PKP1: variants seen among roughly 807,000 people sequenced by gnomAD.
PKP1 encodes the protein plakophilin 1.
PKP1 carries 27 observed loss-of-function variants against 76.4 expected under a neutral mutation model. That is an observed-to-expected ratio of 0.35 (90% confidence interval 0.26 to 0.49). The LOEUF is 0.49. Among genes scored for constraint, PKP1 ranks in the 20% least tolerant of loss-of-function variants. The pLI is 0.99. For synonymous variants in PKP1, 404 were observed against 384.2 expected, an observed-to-expected ratio of 1.05 and a Z score of -0.60; for missense variants, 964 against 955.2, an observed-to-expected ratio of 1.01 and a Z score of -0.12.
chr1:201,306,352 A>C (rs1341665840), intron 2 of PKP1, among the ~76,000 whole-genome samples: 1 of 152,192 alleles, frequency 6.6e-6, no homozygotes, highest in East Asian at 1.9e-4. Context: ...TTGTCCCCAC[A>C]CCAGGCTTAG....
At position 201,287,453 on chromosome 1, in the gene PKP1, C is replaced by G. The variant is rs540572586; in HGVS notation, c.202+3549C>G. ...TCATTAGAGTTTCTAGAAAGTTGTC[C>G]TTTCCTGACCACAGGCATCACTTCT... is the stretch of plus-strand genomic sequence containing the variant. On this transcript the variant is annotated intron_variant, in intron 1 of 13. Coordinates refer to ENST00000367324, the MANE Select transcript of PKP1 (RefSeq NM_001005337.3). 2.5e-4 allele frequency among the ~76,000 whole-genome samples: 38 copies of G among 152,352 alleles called. 1 individual carries two copies. The South Asian group carries it at 7.9e-3, about 32-fold the overall frequency.
chr1:201,316,141 T>TGGATGGATGGATGGATGGACGGACGTAC (rs1553275149), intron 3 of PKP1: 12 of 68,722 alleles, frequency 1.7e-4, no homozygotes, highest in African/African-American at 4.2e-4. Context: ...GACGGACGGA[T>TGGATGGATGGATGGATGGACGGACGTAC]GGACGGACGG....
In PKP1 at chr1:201,317,630, A is replaced by T. The variant is rs1222099337; in HGVS notation, c.905A>T (p.Asn302Ile). The T allele has an allele frequency of 6.2e-7, 1 of 1,613,958 alleles. No individual in the cohort carries two copies. The highest frequency in any genetic ancestry group is 1.3e-5 in the African/African-American group (1 of 75,002). Residue 302 changes from asparagine to isoleucine, a missense_variant, in exon 5 of 14, where the codon AAC (asparagine) becomes ATC (isoleucine). Transcript: ENST00000367324. ...GACCTCCTCCGCAGCCCCAACCAGA[A>T]CGTCCAGCAGGCCGCGGCAGGGGCC... ...LVDLLRSPNQ[N>I]VQQAAAGALR...
At chr1:201,311,256 G>T (rs935405836) in intron 2 of PKP1, among the ~76,000 whole-genome samples, 2 of 152,222 alleles carry the variant, frequency 1.3e-5, no homozygotes, top group African/African-American at 4.8e-5. Context: ...CCTGTAATCT[G>T]CAGGACACGC....
chr1:201,310,624 G>A (rs897191059), intron 2 of PKP1, among the ~76,000 whole-genome samples: 4 of 152,210 alleles, frequency 2.6e-5, no homozygotes, highest in African/African-American at 9.6e-5. Flanking sequence ...TACTTGGGGA[G>A]GACGGGGTCT....
intron 1 of PKP1, among the ~76,000 whole-genome samples, chr1:201,288,785 C>T (rs1460574907): frequency 1.3e-5 from 2 of 152,172 alleles, no homozygotes; most frequent in Non-Finnish European, 2.9e-5. Context: ...CTCCCATGCT[C>T]TGCCCAGTCC....
chr1:201,310,706 G>T (rs1305298971), intron 2 of PKP1, among the ~76,000 whole-genome samples: 1 of 152,228 alleles, frequency 6.6e-6, no homozygotes, highest in Non-Finnish European at 1.5e-5. Context: ...GTCATACCCA[G>T]CTGTCCTCAG....
At chr1:201,300,417 G>T (rs1194620461) in intron 2 of PKP1, among the ~76,000 whole-genome samples, 1 of 152,260 alleles carries the variant, frequency 6.6e-6, no homozygotes, top group African/African-American at 2.4e-5. Context: ...TTGCCCTTAG[G>T]GTTGGGCTGA....
At chr1:201,325,409 G>A (rs1413444432) in intron 11 of PKP1, among the ~76,000 whole-genome samples, 2 of 152,166 alleles carry the variant, frequency 1.3e-5, no homozygotes, top group Admixed American at 1.3e-4. Flanking sequence ...GCCAGCAGGA[G>A]GCATGGGGCA....
rs112148540 is a variant in PKP1, at chr1:201,324,684, C to T, written c.1834+103C>T. Reference sequence around the variant, plus strand: ...CCTTTAAGCCATTCCCTGGGATGAGCATTCCAAGAAAGGAAGCTGGCCAAA... The same window carrying T: ...CCTTTAAGCCATTCCCTGGGATGAGTATTCCAAGAAAGGAAGCTGGCCAAA... On this transcript the variant is annotated intron_variant, in intron 10 of 13. Transcript: ENST00000367324. 3.5e-6 allele frequency: 5 copies of T among 1,441,334 alleles called. 1 individual carries two copies. The African/African-American group carries it at 5.6e-5, about 16-fold the overall frequency. The allele number at this position is 1,441,334 out of a possible 1,614,324, so 89.3% of individuals were successfully genotyped here. A position where few individuals can be genotyped will look rare whatever the true frequency, so the allele number is the denominator to read the frequency against.
chr1:201,302,340 T>G (rs146964042), intron 2 of PKP1, among the ~76,000 whole-genome samples: 18 of 151,916 alleles, frequency 1.2e-4, no homozygotes, highest in Non-Finnish European at 2.6e-4. Flanking sequence ...GAGCGGGGTG[T>G]GAAGAGCAAG....
At chr1:201,285,371 G>A (rs1264114849) in intron 1 of PKP1, among the ~76,000 whole-genome samples, 5 of 151,904 alleles carry the variant, frequency 3.3e-5, no homozygotes, top group African/African-American at 1.2e-4. Context: ...GCCGGCAGAG[G>A]ACTTCCTGGG....
chr1:201,284,987 T>C (rs1386511534), intron 1 of PKP1, among the ~76,000 whole-genome samples: 1 of 152,186 alleles, frequency 6.6e-6, no homozygotes, highest in African/African-American at 2.4e-5. Flanking sequence ...GTAAACACTT[T>C]GATACAAAGG....
intron 1 of PKP1, among the ~76,000 whole-genome samples, chr1:201,291,465 G>A (rs1655915387): frequency 1.3e-5 from 2 of 152,214 alleles, no homozygotes; most frequent in African/African-American, 2.4e-5. Flanking sequence ...AGAGAAGAGT[G>A]TATGAGAGGG....
rs766565707 is a variant in PKP1, at chr1:201,299,929, T to G, written c.306+5884T>G. 1.4e-3 allele frequency among the ~76,000 whole-genome samples: 216 copies of G among 152,382 alleles called. 2 individuals are homozygous for G. The highest frequency in any genetic ancestry group is 1.2e-4 in the Non-Finnish European group (8 of 68,038). On this transcript the variant is annotated intron_variant, in intron 2 of 13. Transcript: ENST00000367324. ...CAGTGCCTGCCGGGCCTCTCGTCTT[T>G]TCTTGAAAAGTCCAGGTGAGGGACT...
chr1:201,325,196 G>A, intron 11 of PKP1, 69 bp downstream of exon 11: 1 of 1,478,980 alleles, frequency 6.8e-7, no homozygotes. Flanking sequence ...ACAGCAGGAA[G>A]CAGTCCCGCA....
In PKP1 at chr1:201,316,698, G is replaced by A. The variant is rs780771517; in HGVS notation, c.846+1G>A. 6.2e-7 allele frequency: 1 copy of A among 1,613,658 alleles called. No homozygotes were observed. On this transcript the variant is annotated splice_donor_variant, in intron 4 of 13. Transcript: ENST00000367324. LOFTEE classifies it high-confidence loss of function. The stretch of plus-strand genomic sequence containing the variant: ...CCAGGATGAATCTGCCAAGCAACAG[G>A]TAGCTGGTTGCATACCTTCCTCCTT...
chr1:201,330,277 T>A lies in PKP1; in HGVS notation c.*236T>A, dbSNP rs900467095. The A allele has an allele frequency of 2.0e-5, 3 of 151,796 alleles. No homozygotes were observed. Among genetic ancestry groups the A allele is most frequent in the Non-Finnish European group, 2.9e-5 (2 of 67,942 alleles). The allele number at this position is 151,796 out of a possible 1,614,324, so 9.4% of individuals were successfully genotyped here. A position where few individuals can be genotyped will look rare whatever the true frequency, so the allele number is the denominator to read the frequency against. On this transcript the variant is annotated 3_prime_UTR_variant, in exon 14 of 14. Transcript: ENST00000367324. ...GAGGTTGGGGCGGTGGGGGCTTTCTTGAGTTAAAGGGGCTTATATGTGATG... is the reference window on the plus strand; with the variant it reads ...GAGGTTGGGGCGGTGGGGGCTTTCTAGAGTTAAAGGGGCTTATATGTGATG...
chr1:201,315,021 T>G (rs1171080557), intron 3 of PKP1, among the ~76,000 whole-genome samples: 1 of 152,224 alleles, frequency 6.6e-6, no homozygotes, highest in Non-Finnish European at 1.5e-5. Flanking sequence ...TACCACACTG[T>G]TCTGAAAATA....
Sources: gnomAD v4.1 joint callset for allele counts (sites outside exome capture counted in the v4.1 genomes callset) on GRCh38, gnomAD v4.1.1 for gene constraint, MANE v1.5 for transcripts, NCBI Gene and HGNC (gene_info 2026-07-23, HGNC 2026-07-21) for gene names.